GLRA1: variants seen among roughly 807,000 people sequenced by gnomAD.
GLRA1 encodes glycine receptor subunit alpha-1.
In GLRA1, 37 loss-of-function variants were observed where a neutral mutation model predicts 48.3. The observed-to-expected ratio is 0.77, with a 90% CI of 0.59 to 1.01. The LOEUF (loss-of-function observed/expected upper bound fraction) is 1.01. Ranked by LOEUF, GLRA1 falls within the 50% of genes least tolerant of loss-of-function variation. The pLI is 0.00. For missense variants in GLRA1, 427 were observed against 571.0 expected, an observed-to-expected ratio of 0.75 and a Z score of 2.57; for synonymous variants, 196 against 210.7, an observed-to-expected ratio of 0.93 and a Z score of 0.60.
chr5:151,828,274 A>G (rs1763330520), intron 8 of GLRA1, among the ~76,000 whole-genome samples: 2 of 152,142 alleles, frequency 1.3e-5, no homozygotes, highest in Admixed American at 1.3e-4. Context: ...TCTTCTGGGG[A>G]ACTAGTTATG....
At chr5:151,858,749 A>G (rs1376304965) in intron 4 of GLRA1, among the ~76,000 whole-genome samples, 1 of 147,776 alleles carries the variant, frequency 6.8e-6, no homozygotes. Flanking sequence ...ACAGGCCTGG[A>G]CAGTTAAGGC....
intron 3 of GLRA1, among the ~76,000 whole-genome samples, chr5:151,873,722 A>T (rs1753551941): frequency 6.6e-6 from 1 of 151,892 alleles, no homozygotes; most frequent in Non-Finnish European, 1.5e-5. Flanking sequence ...GACTGCTATT[A>T]AAAACAATGC....
intron 7 of GLRA1, among the ~76,000 whole-genome samples, chr5:151,847,560 A>C (rs542428740): frequency 7.2e-5 from 11 of 152,288 alleles, no homozygotes; most frequent in African/African-American, 2.4e-4. Context: ...CTCTACTAAA[A>C]ATACAAACAT....
intron 3 of GLRA1, among the ~76,000 whole-genome samples, chr5:151,882,933 ATGT>A: frequency 6.6e-6 from 1 of 152,268 alleles, no homozygotes; most frequent in Admixed American, 6.5e-5. Flanking sequence ...TTTTGTTATA[ATGT>A]TGATGAGAAA....
chr5:151,828,227 T>C (rs1763329024), intron 8 of GLRA1, among the ~76,000 whole-genome samples: 1 of 152,208 alleles, frequency 6.6e-6, no homozygotes. Flanking sequence ...CCTGTGTGTA[T>C]GTTTGAAGAA....
intron 3 of GLRA1, among the ~76,000 whole-genome samples, chr5:151,871,872 AT>A (rs1258223816): frequency 6.7e-6 from 1 of 149,766 alleles, no homozygotes; most frequent in African/African-American, 2.6e-5. Context: ...CCGTGAGACG[AT>A]TTTTATAGGC....
At chr5:151,851,824 G>A (rs1013552025) in intron 6 of GLRA1, among the ~76,000 whole-genome samples, 2 of 152,098 alleles carry the variant, frequency 1.3e-5, no homozygotes, top group Non-Finnish European at 2.9e-5. Context: ...TTAATGTGAG[G>A]ATAAAATGAG....
At chr5:151,857,200 A>C (rs1306542802) in intron 4 of GLRA1, among the ~76,000 whole-genome samples, 3 of 152,230 alleles carry the variant, frequency 2.0e-5, no homozygotes, top group Non-Finnish European at 2.9e-5. Context: ...AAAGCCCCCG[A>C]TGGCTGCTGG....
At chr5:151,827,420 A>T (rs2113286623) in intron 8 of GLRA1, among the ~76,000 whole-genome samples, 1 of 152,322 alleles carries the variant, frequency 6.6e-6, no homozygotes, top group South Asian at 2.1e-4. Flanking sequence ...TTTAAGAAAC[A>T]TACTGATGGA....
chr5:151,912,506 G>A (rs375949691), intron 1 of GLRA1, among the ~76,000 whole-genome samples: 11 of 152,152 alleles, frequency 7.2e-5, no homozygotes, highest in African/African-American at 2.2e-4. Context: ...AAGGTTGAGC[G>A]AGCAACTCAC....
At chr5:151,848,921 A>T (rs1752758366) in intron 7 of GLRA1, 4 of 697,108 alleles carry the variant, frequency 5.7e-6, no homozygotes, top group Non-Finnish European at 1.1e-5. Context: ...AAACAAAGGT[A>T]TTAAGCAGGT....
chr5:151,866,314 C>A (rs993082671), intron 3 of GLRA1, among the ~76,000 whole-genome samples: 11 of 152,232 alleles, frequency 7.2e-5, no homozygotes, highest in African/African-American at 2.7e-4. Flanking sequence ...ATTCCACAGA[C>A]ATTTATTGAG....
intron 1 of GLRA1, among the ~76,000 whole-genome samples, chr5:151,924,085 T>C (rs1754946231): frequency 6.6e-6 from 1 of 152,152 alleles, no homozygotes; most frequent in Non-Finnish European, 1.5e-5. Flanking sequence ...AGCTGAGGTT[T>C]TCGGCACTGC....
intron 3 of GLRA1, among the ~76,000 whole-genome samples, chr5:151,876,951 G>C (rs1581637330): frequency 1.3e-5 from 2 of 151,902 alleles, no homozygotes; most frequent in South Asian, 4.2e-4. Context: ...CTCTCTCTCT[G>C]TCTCTCTTTG....
chr5:151,892,345 G>A lies in GLRA1; in HGVS notation c.150C>T (p.Ser50=), dbSNP rs1402153449. 14 of 1,613,816 alleles carry A rather than the reference G, an allele frequency of 8.7e-6. No individual in the cohort carries two copies. The highest frequency in any genetic ancestry group is 6.7e-5 in the East Asian group (3 of 44,896). The change falls in exon 2 of 9, where the codon TCC becomes TCT. Residue 50 remains serine, a synonymous_variant. Transcript: ENST00000274576. ...DFLDKLMGRT[S]GYDARIRPNF... The stretch of plus-strand genomic sequence containing the variant: ...TGGGCCTGATCCTGGCATCATATCC[G>A]GAGGTTCTCCCCATTAGCTTATCCA...
chr5:151,844,042 T>G, intron 7 of GLRA1, among the ~76,000 whole-genome samples: 1 of 152,046 alleles, frequency 6.6e-6, no homozygotes, highest in Non-Finnish European at 1.5e-5. Flanking sequence ...TGGTGGTGCA[T>G]GCCTGTAATC....
At chr5:151,850,764 C>A (rs1025990788) in intron 7 of GLRA1, 1 of 1,005,982 alleles carries the variant, frequency 9.9e-7, no homozygotes, top group Non-Finnish European at 1.6e-6. Context: ...TCAATGAAAC[C>A]GGCAATGAGC....
chr5:151,896,071 A>T (rs976822171), intron 1 of GLRA1, among the ~76,000 whole-genome samples: 1 of 152,224 alleles, frequency 6.6e-6, no homozygotes, highest in Non-Finnish European at 1.5e-5. Flanking sequence ...ATTGGGCAGT[A>T]CAGTGGGAGA....
intron 1 of GLRA1, among the ~76,000 whole-genome samples, chr5:151,893,409 G>C (rs1279388608): frequency 6.7e-6 from 1 of 149,260 alleles, no homozygotes; most frequent in South Asian, 2.1e-4. Context: ...TGTTACATAG[G>C]TATACATGTG....
Sources: gnomAD v4.1 joint callset for allele counts (sites outside exome capture counted in the v4.1 genomes callset) on GRCh38, gnomAD v4.1.1 for gene constraint, MANE v1.5 for transcripts, NCBI Gene and HGNC (gene_info 2026-07-23, HGNC 2026-07-21) for gene names.